The following PDE4D variants were observed in gnomAD, a reference collection of about 807,000 sequenced individuals.
The protein encoded by PDE4D is phosphodiesterase 4D, also known as 3',5'-cyclic-AMP phosphodiesterase 4D.
PDE4D carries 24 observed loss-of-function variants against 87.4 expected under a neutral mutation model. That is an observed-to-expected ratio of 0.27 (90% confidence interval 0.20 to 0.39). PDE4D has a LOEUF of 0.39. Ranked by LOEUF, PDE4D falls within the 10% of genes least tolerant of loss-of-function variation. PDE4D has a pLI of 1.00. For missense variants in PDE4D, 714 were observed against 1,041.0 expected (o/e 0.69, Z 4.32); for synonymous variants, 384 against 383.2 (o/e 1.00, Z -0.02).
intron 3 of PDE4D, among the ~76,000 whole-genome samples, chr5:59,933,054 C>A (rs575322164): frequency 6.6e-6 from 1 of 152,136 alleles, no homozygotes; most frequent in African/African-American, 2.4e-5. Context: ...TGGTCTCCTG[C>A]ACCATTGCTT....
chr5:59,448,809 A>T (rs1798724142), intron 1 of PDE4D, among the ~76,000 whole-genome samples: 2 of 152,018 alleles, frequency 1.3e-5, no homozygotes, highest in African/African-American at 2.4e-5. Context: ...ATATTTTTTT[A>T]AATTTTGTAG....
intron 1 of PDE4D, among the ~76,000 whole-genome samples, chr5:60,206,239 G>T (rs1742506522): frequency 6.6e-6 from 1 of 152,134 alleles, no homozygotes; most frequent in South Asian, 2.1e-4. Context: ...GTTAAAAAAT[G>T]CTTAACACTG....
At chr5:59,959,107 C>T (rs78346931) in intron 3 of PDE4D, among the ~76,000 whole-genome samples, 9,079 of 65,066 alleles carry the variant, frequency 0.14, 908 homozygotes, top group African/African-American at 0.38. Flanking sequence ...CACACACACA[C>T]GCAGGTGCAC....
intron 1 of PDE4D, among the ~76,000 whole-genome samples, chr5:59,341,923 C>T (rs565601383): frequency 2.0e-4 from 31 of 152,228 alleles, no homozygotes; most frequent in African/African-American, 3.4e-4. Flanking sequence ...GCTAGTTTAA[C>T]GGCTATATAT....
At chr5:60,430,535 G>GTTT (rs367558098) in intron 1 of PDE4D, among the ~76,000 whole-genome samples, 8 of 128,106 alleles carry the variant, frequency 6.2e-5, no homozygotes, top group African/African-American at 1.7e-4. Context: ...TTTGTGTTTT[G>GTTT]TTTTTTTTTG....
At chr5:60,073,192 A>T (rs1232561744) in intron 2 of PDE4D, among the ~76,000 whole-genome samples, 1 of 152,080 alleles carries the variant, frequency 6.6e-6, no homozygotes, top group Non-Finnish European at 1.5e-5. Flanking sequence ...TTCCTTCAGT[A>T]CCTAGGTGGT....
chr5:59,833,112 C>T (rs572834220), intron 1 of PDE4D, among the ~76,000 whole-genome samples: 2 of 152,090 alleles, frequency 1.3e-5, no homozygotes, highest in South Asian at 2.1e-4. Context: ...GGAAGCAGAC[C>T]GGTGTTGCAT....
At chr5:59,830,645 A>T (rs1415039264) in intron 1 of PDE4D, among the ~76,000 whole-genome samples, 1 of 152,090 alleles carries the variant, frequency 6.6e-6, no homozygotes, top group African/African-American at 2.4e-5. Flanking sequence ...TGCTTTGGGT[A>T]TTAATTAACA....
intron 1 of PDE4D, among the ~76,000 whole-genome samples, chr5:59,833,997 A>G (rs1009959599): frequency 6.6e-6 from 1 of 152,080 alleles, no homozygotes; most frequent in Non-Finnish European, 1.5e-5. Flanking sequence ...ATTGGAAGAA[A>G]AAAATCAATA....
intron 1 of PDE4D, among the ~76,000 whole-genome samples, chr5:59,869,597 G>A (rs6889984): frequency 0.21 from 32,553 of 152,018 alleles, 6,173 homozygotes; most frequent in African/African-American, 0.51. Context: ...CATGTTTACC[G>A]GATGCAAGAT....
intron 1 of PDE4D, among the ~76,000 whole-genome samples, chr5:59,843,671 T>G (rs1743387689): frequency 6.6e-6 from 1 of 152,088 alleles, no homozygotes; most frequent in South Asian, 2.1e-4. Flanking sequence ...TGTTTATAAC[T>G]CTGAGCACAC....
intron 1 of PDE4D, among the ~76,000 whole-genome samples, chr5:60,228,217 A>T (rs1745358637): frequency 6.6e-6 from 1 of 152,086 alleles, no homozygotes; most frequent in Non-Finnish European, 1.5e-5. Flanking sequence ...AAACACACAC[A>T]TGAACACATA....
At chr5:60,147,338 T>C (rs1389193687) in intron 2 of PDE4D, among the ~76,000 whole-genome samples, 1 of 152,168 alleles carries the variant, frequency 6.6e-6, no homozygotes, top group Non-Finnish European at 1.5e-5. Context: ...CTTCTTGCTG[T>C]GTAGATCACA....
chr5:60,502,742 G>C (rs1162669024), intron 1 of PDE4D, among the ~76,000 whole-genome samples: 1 of 152,122 alleles, frequency 6.6e-6, no homozygotes, highest in African/African-American at 2.4e-5. Context: ...CCATGCTTTT[G>C]GAGGGAGCTT....
At chr5:60,314,687 C>A (rs1755384815) in intron 1 of PDE4D, among the ~76,000 whole-genome samples, 1 of 151,420 alleles carries the variant, frequency 6.6e-6, no homozygotes, top group Admixed American at 6.6e-5. Flanking sequence ...CTTCCTGTGT[C>A]CATGTGTTCT....
chr5:60,222,044 C>CACAT (rs1744554700), intron 1 of PDE4D, among the ~76,000 whole-genome samples: 2 of 152,070 alleles, frequency 1.3e-5, no homozygotes, highest in Non-Finnish European at 2.9e-5. Flanking sequence ...CTTCTCCCCG[C>CACAT]ACATACATAC....
chr5:59,244,018 T>A (rs1236275380), intron 1 of PDE4D, among the ~76,000 whole-genome samples: 2 of 152,132 alleles, frequency 1.3e-5, no homozygotes, highest in Non-Finnish European at 2.9e-5. Context: ...AATCATTTTA[T>A]TACATGTAAA....
intron 1 of PDE4D, among the ~76,000 whole-genome samples, chr5:59,227,868 A>T (rs1754174732): frequency 6.6e-6 from 1 of 152,204 alleles, no homozygotes; most frequent in Non-Finnish European, 1.5e-5. Flanking sequence ...CTAAAAACAG[A>T]ACTACCATTC....
At chr5:60,427,108 C>T (rs1200612868) in intron 1 of PDE4D, among the ~76,000 whole-genome samples, 3 of 151,820 alleles carry the variant, frequency 2.0e-5, no homozygotes, top group Admixed American at 2.0e-4. Flanking sequence ...AATTGGAATC[C>T]TAGAAAGAAA....
Sources: allele counts gnomAD v4.1 joint callset (sites outside exome capture counted in the v4.1 genomes callset), GRCh38; gene constraint gnomAD v4.1.1; transcripts MANE v1.5; gene names NCBI Gene and HGNC (gene_info 2026-07-23, HGNC 2026-07-21).